Variants in ACLY observed in about 807,000 individuals in gnomAD.
ACLY encodes ATP-citrate synthase.
In ACLY, 41 loss-of-function variants were observed where a neutral mutation model predicts 133.0. The observed-to-expected ratio is 0.31, with a 90% CI of 0.24 to 0.40. ACLY has a LOEUF of 0.40. Ranked by LOEUF, ACLY falls within the 10% of genes least tolerant of loss-of-function variation. The pLI is 1.00. For synonymous variants in ACLY, 495 were observed against 549.3 expected, an observed-to-expected ratio of 0.90 and a Z score of 1.38; for missense variants, 1,046 against 1,453.8, an observed-to-expected ratio of 0.72 and a Z score of 4.56.
rs1555633167 is a variant in ACLY, at chr17:41,909,076, T to C, written c.537-8A>G. 1 of 1,607,918 alleles carries C rather than the reference T, an allele frequency of 6.2e-7. No homozygotes were observed. The highest frequency in any genetic ancestry group is 1.3e-5 in the African/African-American group (1 of 74,600). On this transcript the variant is annotated splice_region_variant and splice_polypyrimidine_tract_variant and intron_variant, in intron 5 of 28. Transcript: ENST00000352035. ...ATAAAACTGGCCAGAATTCTAGAGG[T>C]GGGAGGGAGAGAGGGACAGTTCATC...
chr17:41,917,852 C>T (rs1169333793), intron 1 of ACLY, among the ~76,000 whole-genome samples: 3 of 152,106 alleles, frequency 2.0e-5, no homozygotes, highest in Non-Finnish European at 4.4e-5. Context: ...GAAAATCACC[C>T]ATCTGGGCAA....
At position 41,871,838 on chromosome 17, in the gene ACLY, G is replaced by A. The variant is rs1555625109; in HGVS notation, c.2794-6C>T. On this transcript the variant is annotated splice_polypyrimidine_tract_variant and splice_region_variant and intron_variant, in intron 24 of 28. Coordinates refer to ENST00000352035, the MANE Select transcript of ACLY (RefSeq NM_001096.3). Reference sequence around the variant, plus strand: ...GCACCCCCAAACCGATCCCCCTGGAGGAGAAACAAGTGCGTGTTGCCTTGA... The same window carrying A: ...GCACCCCCAAACCGATCCCCCTGGAAGAGAAACAAGTGCGTGTTGCCTTGA... 1 of 1,613,658 alleles carries A rather than the reference G, an allele frequency of 6.2e-7. No homozygotes were observed. The highest frequency in any genetic ancestry group is 1.7e-5 in the Admixed American group (1 of 60,026).
At position 41,871,735 on chromosome 17, in the gene ACLY, T is replaced by C; in HGVS notation, c.2891A>G (p.Lys964Arg). The C allele has an allele frequency of 1.2e-6, 2 of 1,614,138 alleles. No homozygotes were observed. The highest frequency in any genetic ancestry group is 1.7e-6 in the Non-Finnish European group (2 of 1,180,024). ...GCCCATGATCAGCTTCCCTTCCTTC[T>C]TCATCTTGTTCACAAACTCCATGGG... is the stretch of plus-strand genomic sequence containing the variant. The part of the protein sequence containing the change: ...IIPMEFVNKM[K>R]KEGKLIMGIG... The change falls in exon 25 of 29, where the codon AAG becomes AGG. Residue 964 changes from lysine (K) to arginine (R), a missense_variant. Transcript: ENST00000352035.
chr17:41,871,899 C>T, intron 24 of ACLY, 67 bp from the exon 25 acceptor site: 1 of 1,604,228 alleles, frequency 6.2e-7, no homozygotes, highest in East Asian at 2.2e-5. Flanking sequence ...CAAACCAACC[C>T]AGTGTGTCCC....
At chr17:41,903,998 T>C (rs1258925461) in intron 10 of ACLY, among the ~76,000 whole-genome samples, 2 of 151,332 alleles carry the variant, frequency 1.3e-5, no homozygotes, top group Non-Finnish European at 2.9e-5. Flanking sequence ...GTGTCTGTAA[T>C]CCCAGGTACT....
At chr17:41,915,819 G>C (rs1219264448) in intron 1 of ACLY, among the ~76,000 whole-genome samples, 4 of 152,028 alleles carry the variant, frequency 2.6e-5, no homozygotes, top group Admixed American at 1.3e-4. Flanking sequence ...CTTCCAAAGA[G>C]AGTGCAGCCC....
chr17:41,906,110 A>G (rs1003289937), intron 8 of ACLY, among the ~76,000 whole-genome samples: 1 of 152,192 alleles, frequency 6.6e-6, no homozygotes, highest in Non-Finnish European at 1.5e-5. Context: ...TAATTATTGT[A>G]AAGGGTGTAG....
intron 22 of ACLY, among the ~76,000 whole-genome samples, chr17:41,877,443 CTTT>C (rs35203873): frequency 2.2e-5 from 3 of 135,222 alleles, no homozygotes; most frequent in Non-Finnish European, 1.6e-5. Flanking sequence ...AGGCCCAGCC[CTTT>C]TTTTTTTTTT....
Position 41,883,183 on chromosome 17 carries a change from C to T in ACLY, c.2204G>A (p.Arg735His). Residue 735 changes from arginine (R) to histidine (H), a missense_variant, in exon 20 of 29, where the codon CGC (arginine) becomes CAC (histidine). Transcript: ENST00000352035. ...YKICRGIKEG[R>H]LTKPIVCWCI... ...CCAGCAGACGATGGGCTTAGTGAGG[C>T]GGCCCTCCTTGATGCCCCGGCAAAT... 1.2e-6 allele frequency: 2 copies of T among 1,613,998 alleles called. No homozygotes were observed. The highest frequency in any genetic ancestry group is 1.1e-5 in the South Asian group (1 of 91,082).
intron 16 of ACLY, among the ~76,000 whole-genome samples, chr17:41,891,033 T>C (rs1267838375): frequency 6.6e-6 from 1 of 152,050 alleles, no homozygotes; most frequent in Non-Finnish European, 1.5e-5. Context: ...TGATTTGTTT[T>C]TTTGTTTGTT....
At chr17:41,883,716 T>C (rs1044521557) in intron 19 of ACLY, among the ~76,000 whole-genome samples, 22 of 151,090 alleles carry the variant, frequency 1.5e-4, no homozygotes, top group Admixed American at 7.3e-4. Context: ...TCCCGAGTGG[T>C]TGGGATTACA....
At chr17:41,881,416 CA>C (rs34173466) in intron 20 of ACLY, among the ~76,000 whole-genome samples, 5,469 of 41,674 alleles carry the variant, frequency 0.13, 33 homozygotes, top group Non-Finnish European at 0.18. Context: ...GACTCCGTCT[CA>C]AAAAAAAAAA....
At chr17:41,904,140 G>C (rs1392997703) in intron 10 of ACLY, among the ~76,000 whole-genome samples, 2 of 143,026 alleles carry the variant, frequency 1.4e-5, no homozygotes, top group African/African-American at 2.6e-5. Context: ...AGGGAGGGAA[G>C]GAGGAAAGGA....
intron 1 of ACLY, among the ~76,000 whole-genome samples, chr17:41,926,418 T>A (rs1237235791): frequency 1.3e-5 from 2 of 152,222 alleles, no homozygotes; most frequent in African/African-American, 4.8e-5. Context: ...TTCACTAGGG[T>A]GTTGTCAAGC....
chr17:41,889,524 CAA>C (rs533387140), intron 16 of ACLY, among the ~76,000 whole-genome samples: 10 of 31,598 alleles, frequency 3.2e-4, no homozygotes, highest in African/African-American at 1.0e-3. Flanking sequence ...CTCCATTTCA[CAA>C]AAAAAAAAAA....
intron 6 of ACLY, 24 bp downstream of exon 6, chr17:41,908,965 T>A (rs781797233): frequency 1.9e-6 from 3 of 1,600,086 alleles, no homozygotes; most frequent in South Asian, 2.2e-5. Context: ...CCTTGCCCCC[T>A]CCCAGCCAAG....
At chr17:41,891,634 TGACCTCC>T (rs1784767692) in intron 16 of ACLY, among the ~76,000 whole-genome samples, 1 of 152,012 alleles carries the variant, frequency 6.6e-6, no homozygotes, top group South Asian at 2.1e-4. Flanking sequence ...CTTCTTGCCT[TGACCTCC>T]CAAAGTGCTG....
At chr17:41,879,357 C>T (rs1287267113) in intron 20 of ACLY, among the ~76,000 whole-genome samples, 1 of 150,820 alleles carries the variant, frequency 6.6e-6, no homozygotes, top group Non-Finnish European at 1.5e-5. Flanking sequence ...CCACCAGCCT[C>T]GGCCTTGCAA....
intron 24 of ACLY, 94 bp downstream of exon 24, chr17:41,871,938 T>G: frequency 6.3e-7 from 1 of 1,592,944 alleles, no homozygotes; most frequent in Non-Finnish European, 8.6e-7. Context: ...GGTTTTACAC[T>G]CAGGGGCTCC....
Sources: gnomAD v4.1 joint callset for allele counts (sites outside exome capture counted in the v4.1 genomes callset) on GRCh38, gnomAD v4.1.1 for gene constraint, MANE v1.5 for transcripts, NCBI Gene and HGNC (gene_info 2026-07-23, HGNC 2026-07-21) for gene names.